The following AKR1C3 variants were observed in gnomAD, a reference collection of about 807,000 sequenced individuals.
The protein encoded by AKR1C3 is 3-alpha hydroxysteroid dehydrogenase, type II.
Under a neutral mutation model 43.6 loss-of-function variants are expected in AKR1C3, and 48 were observed. That is an observed-to-expected ratio of 1.10 (90% CI 0.87 to 1.40). The LOEUF (loss-of-function observed/expected upper bound fraction) is 1.40, where lower values mean the gene tolerates loss of function less well. Ranked by LOEUF, AKR1C3 falls within the 40% of genes most tolerant of loss-of-function variation. The probability of loss-of-function intolerance (pLI) is 0.00; values close to 1 mark genes in which losing one functional copy is unlikely to be tolerated. For missense variants in AKR1C3, 482 were observed against 391.2 expected, an observed-to-expected ratio of 1.23 and a Z score of -1.96; for synonymous variants, 162 against 139.6, an observed-to-expected ratio of 1.16 and a Z score of -1.13.
chr10:5,097,890 A>C, intron 3 of AKR1C3: 6 of 1,103,296 alleles, frequency 5.4e-6, no homozygotes, highest in Non-Finnish European at 6.6e-6. Flanking sequence ...TGTGGTGCCC[A>C]ATAAAACTGC....
intron 1 of AKR1C3, among the ~76,000 whole-genome samples, chr10:5,076,436 TAA>T (rs1197008621): frequency 1.3e-5 from 2 of 152,110 alleles, no homozygotes; most frequent in African/African-American, 4.8e-5. Flanking sequence ...TCTAGAATTG[TAA>T]AAAACTAATC....
chr10:5,097,947 A>G, intron 3 of AKR1C3: 4 of 1,045,426 alleles, frequency 3.8e-6, no homozygotes, highest in Non-Finnish European at 4.6e-6. Context: ...CCCCATTTCA[A>G]GCTGAAGCAG....
intron 7 of AKR1C3, among the ~76,000 whole-genome samples, chr10:5,103,026 A>T (rs1378066524): frequency 6.7e-6 from 1 of 149,552 alleles, no homozygotes; most frequent in Admixed American, 6.6e-5. Context: ...AGTAGCTGGG[A>T]TTACAGGTGC....
At chr10:5,062,410 C>T (rs1449821057) in intron 1 of AKR1C3, among the ~76,000 whole-genome samples, 2 of 152,068 alleles carry the variant, frequency 1.3e-5, no homozygotes, top group South Asian at 2.1e-4. Context: ...CTTTAAATAC[C>T]ACCTCTAGGT....
At chr10:5,049,670 C>T (rs1554778759) in intron 1 of AKR1C3, among the ~76,000 whole-genome samples, 1 of 152,150 alleles carries the variant, frequency 6.6e-6, no homozygotes, top group African/African-American at 2.4e-5. Flanking sequence ...CCTGAGACTA[C>T]TATGTTTGTG....
intron 1 of AKR1C3, among the ~76,000 whole-genome samples, chr10:5,087,300 A>C (rs1838988894): frequency 6.6e-6 from 1 of 151,894 alleles, no homozygotes; most frequent in African/African-American, 2.4e-5. Context: ...GTTTGTGCAC[A>C]TAGAAATGTT....
chr10:5,094,344 T>A, upstream of AKR1C3: 1 of 1,027,312 alleles, frequency 9.7e-7, no homozygotes, highest in Non-Finnish European at 1.4e-6. Flanking sequence ...TAACCATCAG[T>A]CAGTTTGCAG....
chr10:5,076,531 G>C (rs1838717795), intron 1 of AKR1C3, among the ~76,000 whole-genome samples: 1 of 152,058 alleles, frequency 6.6e-6, no homozygotes, highest in African/African-American at 2.4e-5. Flanking sequence ...ATAAAATTTT[G>C]CAGTTTCCAA....
chr10:5,097,063 G>C (rs1244855897), intron 2 of AKR1C3, among the ~76,000 whole-genome samples: 3 of 152,010 alleles, frequency 2.0e-5, no homozygotes, highest in African/African-American at 4.8e-5. Flanking sequence ...TGTTGCTTTA[G>C]TTTCTAAGCA....
At chr10:5,096,310 CAGG>C in intron 1 of AKR1C3, 97 bp from the exon 2 acceptor site, 1 of 1,410,992 alleles carries the variant, frequency 7.1e-7, no homozygotes, top group Non-Finnish European at 9.6e-7. Context: ...CACATACAGA[CAGG>C]AGGAAAAGCT....
At chr10:5,079,936 C>T (rs1554782190) in intron 1 of AKR1C3, among the ~76,000 whole-genome samples, 1 of 152,170 alleles carries the variant, frequency 6.6e-6, no homozygotes, top group African/African-American at 2.4e-5. Context: ...TTCTTTGCAC[C>T]TGCAGGGGTA....
chr10:5,083,706 T>C (rs1270303935), intron 1 of AKR1C3, among the ~76,000 whole-genome samples: 1 of 152,132 alleles, frequency 6.6e-6, no homozygotes, highest in African/African-American at 2.4e-5. Context: ...AGTGTAAAAG[T>C]GTTCCTATTT....
At chr10:5,050,449 TAGAC>T (rs1219633900) in intron 1 of AKR1C3, among the ~76,000 whole-genome samples, 8 of 152,236 alleles carry the variant, frequency 5.3e-5, no homozygotes, top group Non-Finnish European at 1.2e-4. Context: ...TTAGTAGTCA[TAGAC>T]AGTAACTCAT....
At chr10:5,053,112 T>G (rs577954093) in intron 1 of AKR1C3, among the ~76,000 whole-genome samples, 102 of 152,338 alleles carry the variant, frequency 6.7e-4, no homozygotes, top group African/African-American at 2.2e-3. Context: ...GGACCGCAGG[T>G]GGAGCTGCCT....
Position 5,097,388 on chromosome 10 carries a change from G to C in AKR1C3, c.253-46G>C. ...TAGATGGCACAAAGTAATAAGATTT[G>C]CTCAAGCATTCATTCAAAATCACCT... On this transcript the variant is annotated intron_variant, in intron 2 of 8. Transcript: ENST00000380554. 2.5e-6 allele frequency: 4 copies of C among 1,602,026 alleles called. No homozygotes were observed. The South Asian group carries it at 4.5e-5, about 18-fold the overall frequency.
chr10:5,076,797 C>T (rs1048379701), intron 1 of AKR1C3, among the ~76,000 whole-genome samples: 2 of 152,156 alleles, frequency 1.3e-5, no homozygotes, highest in African/African-American at 2.4e-5. Flanking sequence ...GAAGTTCTCC[C>T]TCCTGACATG....
intron 1 of AKR1C3, among the ~76,000 whole-genome samples, chr10:5,052,758 A>C (rs1320353888): frequency 6.6e-6 from 1 of 151,728 alleles, no homozygotes; most frequent in African/African-American, 2.4e-5. Context: ...TGTGGACACA[A>C]AGGTTCTCCA....
chr10:5,072,814 C>T (rs1332856893), intron 1 of AKR1C3, among the ~76,000 whole-genome samples: 1 of 152,004 alleles, frequency 6.6e-6, no homozygotes, highest in Non-Finnish European at 1.5e-5. Context: ...ACATGAAGAC[C>T]AGTTATCATT....
intron 1 of AKR1C3, among the ~76,000 whole-genome samples, chr10:5,088,647 C>T (rs1388914757): frequency 6.6e-6 from 1 of 151,190 alleles, no homozygotes; most frequent in Non-Finnish European, 1.5e-5. Flanking sequence ...GCTAGTCCTG[C>T]TTGCTGACAT....
Sources: allele counts gnomAD v4.1 joint callset (sites outside exome capture counted in the v4.1 genomes callset), GRCh38; gene constraint gnomAD v4.1.1; transcripts MANE v1.5; gene names NCBI Gene and HGNC (gene_info 2026-07-23, HGNC 2026-07-21).